Variants in C12orf54 observed in about 807,000 individuals in gnomAD.
The protein encoded by C12orf54 is uncharacterized protein C12orf54.
In C12orf54, 24 loss-of-function variants were observed where a neutral mutation model predicts 26.4. The observed-to-expected ratio is 0.91, with a 90% CI of 0.66 to 1.28. C12orf54 has a LOEUF of 1.28. Among genes scored for constraint, C12orf54 ranks in the 50% most tolerant of loss-of-function variants. C12orf54 has a pLI of 0.00. For synonymous variants in C12orf54, 54 were observed against 47.0 expected (o/e 1.15, Z -0.61); for missense variants, 154 against 150.9 (o/e 1.02, Z -0.11).
rs1052300938 is a variant in C12orf54 at position 48,494,825 on chromosome 12, G to T, written c.270G>T (p.Met90Ile). 1.9e-6 allele frequency: 3 copies of T among 1,613,792 alleles called. No homozygotes were observed. Among genetic ancestry groups the T allele is most frequent in the Non-Finnish European group, 2.5e-6 (3 of 1,179,818 alleles). The change falls in exon 8 of 9, where the codon ATG (methionine) becomes ATT (isoleucine). Residue 90 changes from methionine to isoleucine, a missense_variant. Coordinates refer to ENST00000548364, the MANE Select transcript of C12orf54 (RefSeq NM_152319.4). ...TGSIRPPDSL[M>I]TPKLRRLQFS... ...GCATAAGGCCTCCAGATTCCTTGAT[G>T]ACCCCAAAGTTGAGAAGATTGCAGT...
the C12orf54 span, among the ~76,000 whole-genome samples, chr12:48,476,600 T>G: frequency 6.6e-6 from 1 of 152,126 alleles, no homozygotes; most frequent in Non-Finnish European, 1.5e-5. Flanking sequence ...GCAATCCTAG[T>G]CTCTGATAAA....
At chr12:48,473,068 T>A in the C12orf54 span, 1 of 1,614,090 alleles carries the variant, frequency 6.2e-7, no homozygotes, top group Non-Finnish European at 8.5e-7. Flanking sequence ...TGAGAAAAGA[T>A]GTTCAAGCTC....
chr12:48,479,885 T>G (rs980645359), upstream of C12orf54, among the ~76,000 whole-genome samples: 6 of 152,270 alleles, frequency 3.9e-5, no homozygotes, highest in Admixed American at 2.6e-4. Context: ...TACAATTTTT[T>G]GGGGGATGGC....
intron 7 of C12orf54, among the ~76,000 whole-genome samples, chr12:48,494,095 T>G (rs1229493335): frequency 8.1e-6 from 1 of 123,096 alleles, no homozygotes; most frequent in Non-Finnish European, 1.7e-5. Context: ...GGCAGGTGCC[T>G]GTAACCCCAG....
chr12:48,495,368 A>G (rs1937890024), intron 8 of C12orf54, among the ~76,000 whole-genome samples: 1 of 152,294 alleles, frequency 6.6e-6, no homozygotes, highest in Middle Eastern at 3.4e-3. Flanking sequence ...TCCCTCTGGA[A>G]AGTGCTCTAG....
the C12orf54 span, chr12:48,472,703 C>T: frequency 6.2e-7 from 1 of 1,614,160 alleles, no homozygotes; most frequent in Non-Finnish European, 8.5e-7. Context: ...AGCTGCGGAA[C>T]AGGACGCCCT....
At position 48,488,971 on chromosome 12, in the gene C12orf54, T is replaced by C. The variant is rs374816095; in HGVS notation, c.168+15T>C. The C allele has an allele frequency of 9.9e-6, 16 of 1,610,800 alleles. No individual in the cohort carries two copies. In the African/African-American group the frequency reaches 1.2e-4, roughly 12 times the overall value. Reference sequence around the variant, plus strand: ...TACAAAAGGAGGTGAGATTAGATTTTGATTCTCTGAATTCCCCAGCCCCAT... The same window carrying C: ...TACAAAAGGAGGTGAGATTAGATTTCGATTCTCTGAATTCCCCAGCCCCAT... On this transcript the variant is annotated intron_variant, in intron 5 of 8. Transcript: ENST00000548364.
At chr12:48,479,916 A>G (rs150550865), upstream of C12orf54, among the ~76,000 whole-genome samples, 1 of 152,260 alleles carries the variant, frequency 6.6e-6, no homozygotes, top group African/African-American at 2.4e-5. Flanking sequence ...CCAACAGGCC[A>G]TTGATCTTTT....
the C12orf54 span, among the ~76,000 whole-genome samples, chr12:48,421,263 A>G: frequency 6.6e-6 from 1 of 152,192 alleles, no homozygotes; most frequent in African/African-American, 2.4e-5. Flanking sequence ...CAAACATGGC[A>G]GAAGGCAACG....
At chr12:48,495,319 A>G (rs974186422) in intron 8 of C12orf54, among the ~76,000 whole-genome samples, 7 of 152,198 alleles carry the variant, frequency 4.6e-5, no homozygotes, top group African/African-American at 1.7e-4. Context: ...GGAAAGGTGG[A>G]AAGTTTTAAA....
the C12orf54 span, among the ~76,000 whole-genome samples, chr12:48,413,543 A>G: frequency 6.6e-6 from 1 of 152,208 alleles, no homozygotes; most frequent in African/African-American, 2.4e-5. Flanking sequence ...AGTGTCTTGA[A>G]GTGAAGCATG....
the C12orf54 span, among the ~76,000 whole-genome samples, chr12:48,460,094 T>C: frequency 2.0e-5 from 3 of 152,214 alleles, no homozygotes; most frequent in Non-Finnish European, 4.4e-5. Flanking sequence ...TTAGGAGTTA[T>C]CTTCCAGGAG....
chr12:48,433,758 T>G, the C12orf54 span, among the ~76,000 whole-genome samples: 1 of 152,074 alleles, frequency 6.6e-6, no homozygotes, highest in East Asian at 1.9e-4. Flanking sequence ...GCCAGAAGCT[T>G]TTAAAAATAT....
the C12orf54 span, among the ~76,000 whole-genome samples, chr12:48,416,370 A>T: frequency 6.6e-6 from 1 of 152,116 alleles, no homozygotes; most frequent in Non-Finnish European, 1.5e-5. Flanking sequence ...TCTGTCCCCA[A>T]TTAACTCAAG....
the C12orf54 span, among the ~76,000 whole-genome samples, chr12:48,416,871 A>C: frequency 6.6e-6 from 1 of 151,922 alleles, no homozygotes; most frequent in South Asian, 2.1e-4. Flanking sequence ...CCAAAAAAAA[A>C]AGAGAGAGAT....
chr12:48,478,447 G>A (rs1003886497), upstream of C12orf54, among the ~76,000 whole-genome samples: 16 of 152,184 alleles, frequency 1.1e-4, no homozygotes, highest in Non-Finnish European at 1.8e-4. Flanking sequence ...AGGAAAAGAC[G>A]AAGTCAAATT....
the C12orf54 span, among the ~76,000 whole-genome samples, chr12:48,423,957 ATGG>A: frequency 6.6e-6 from 1 of 152,044 alleles, no homozygotes; most frequent in African/African-American, 2.4e-5. Flanking sequence ...TTTAAATATA[ATGG>A]TAGATGTTAA....
the C12orf54 span, among the ~76,000 whole-genome samples, chr12:48,469,351 TGAGAA>T: frequency 6.6e-6 from 1 of 152,196 alleles, no homozygotes; most frequent in Admixed American, 6.5e-5. Context: ...TATTCCTTGC[TGAGAA>T]AAGAATTCCG....
chr12:48,413,172 T>C, the C12orf54 span, among the ~76,000 whole-genome samples: 1 of 152,236 alleles, frequency 6.6e-6, no homozygotes, highest in Non-Finnish European at 1.5e-5. Context: ...ACTTTTTTGC[T>C]TCAAATTCAG....
Sources: gnomAD v4.1 joint callset for allele counts (sites outside exome capture counted in the v4.1 genomes callset) on GRCh38, gnomAD v4.1.1 for gene constraint, MANE v1.5 for transcripts, NCBI Gene and HGNC (gene_info 2026-07-23, HGNC 2026-07-21) for gene names.